The following PRKD3 variants were observed in gnomAD, a reference collection of about 807,000 sequenced individuals.
The protein encoded by PRKD3 is serine/threonine-protein kinase D3.
Under a neutral mutation model 99.2 loss-of-function variants are expected in PRKD3, and 47 were observed. The observed-to-expected ratio is 0.47, with a 90% CI of 0.38 to 0.60. PRKD3 has a LOEUF of 0.60. Among genes scored for constraint, PRKD3 ranks in the 20% least tolerant of loss-of-function variants. The pLI is 0.00. For missense variants in PRKD3, 1,019 were observed against 1,088.4 expected (o/e 0.94, Z 0.90); for synonymous variants, 392 against 355.4 (o/e 1.10, Z -1.16).
chr2:37,290,915 CA>C lies in PRKD3; in HGVS notation c.511del (p.Cys171ValfsTer13). 1 of 1,603,544 alleles carries C rather than the reference CA, an allele frequency of 6.2e-7. No individual in the cohort carries two copies. The highest frequency in any genetic ancestry group is 8.5e-7 in the Non-Finnish European group (1 of 1,170,364). ...SYKAPTFCDY[C>X]GEMLWGLVRQ... Reference sequence around the variant, plus strand: ...TACCAATCCCCAGAGCATCTCACCACAGTAATCACAGAAAGTAGGAGCTTTG... The same window carrying C: ...TACCAATCCCCAGAGCATCTCACCACGTAATCACAGAAAGTAGGAGCTTTG... On this transcript the variant is annotated frameshift_variant, in exon 4 of 19. Transcript: ENST00000234179. LOFTEE classifies it high-confidence loss of function.
At chr2:37,268,844 A>T (rs1178904261) in intron 13 of PRKD3, 1 of 153,848 alleles carries the variant, frequency 6.5e-6, no homozygotes, top group Non-Finnish European at 1.4e-5. Flanking sequence ...ATCCTCTGCT[A>T]AGAAAACTGG....
At chr2:37,285,419 G>A (rs1670043053) in intron 6 of PRKD3, among the ~76,000 whole-genome samples, 1 of 152,168 alleles carries the variant, frequency 6.6e-6, no homozygotes, top group South Asian at 2.1e-4. Flanking sequence ...CCAAATACGG[G>A]TGGGTCCCTA....
At chr2:37,275,877 CA>C in intron 9 of PRKD3, 33 bp from the exon 10 acceptor site, 1 of 1,587,488 alleles carries the variant, frequency 6.3e-7, no homozygotes, top group South Asian at 1.2e-5. Flanking sequence ...CTGTGAGGTT[CA>C]AAAATGATTC....
intron 2 of PRKD3, among the ~76,000 whole-genome samples, chr2:37,301,618 C>A (rs1057094355): frequency 6.6e-6 from 1 of 152,080 alleles, no homozygotes; most frequent in African/African-American, 2.4e-5. Context: ...ATTTGTGACT[C>A]TGCTATGCTC....
At chr2:37,275,996 A>T (rs1184979906) in intron 9 of PRKD3, 152 bp from the exon 10 acceptor site, 3 of 1,152,416 alleles carry the variant, frequency 2.6e-6, no homozygotes, top group Non-Finnish European at 3.5e-6. Context: ...TATAAAAAGG[A>T]TGTATGGTGA....
chr2:37,287,342 C>A (rs1670168629), intron 5 of PRKD3, among the ~76,000 whole-genome samples: 1 of 150,664 alleles, frequency 6.6e-6, no homozygotes, highest in Non-Finnish European at 1.5e-5. Context: ...CTTCTCCAAC[C>A]AGTTGTTTTG....
chr2:37,318,787 T>G (rs1350951365), intron 1 of PRKD3, among the ~76,000 whole-genome samples: 1 of 152,200 alleles, frequency 6.6e-6, no homozygotes, highest in Non-Finnish European at 1.5e-5. Context: ...CAAAGCTGAC[T>G]CCTGCAATCT....
intron 2 of PRKD3, among the ~76,000 whole-genome samples, chr2:37,307,696 A>G (rs1206316115): frequency 6.6e-6 from 1 of 152,220 alleles, no homozygotes; most frequent in Non-Finnish European, 1.5e-5. Context: ...GCTTTGAAAA[A>G]AGGAAGCTAA....
intron 2 of PRKD3, among the ~76,000 whole-genome samples, chr2:37,308,740 C>T (rs900392808): frequency 6.6e-6 from 1 of 152,268 alleles, no homozygotes. Flanking sequence ...CAGACATGGG[C>T]CAACGCGCCC....
At chr2:37,289,660 T>C (rs1488858624) in intron 4 of PRKD3, 147 bp from the exon 5 acceptor site, 1 of 629,336 alleles carries the variant, frequency 1.6e-6, no homozygotes, top group Non-Finnish European at 2.6e-6. Flanking sequence ...GCAGGCTAAG[T>C]GGAAGCTAAT....
chr2:37,279,847 C>T lies in PRKD3; in HGVS notation c.1071G>A (p.Leu357=), dbSNP rs759404310. Residue 357 remains leucine (L), a synonymous_variant, in exon 8 of 19, where the codon TTG becomes TTA. Coordinates refer to ENST00000234179, the MANE Select transcript of PRKD3 (RefSeq NM_005813.6). The stretch of plus-strand genomic sequence containing the variant: ...GGGGTGATGGCTCTTCTGTGTCATC[C>T]AAACCCCGACTACTATCACTATTTA... ...NDINSDSSRG[L]DDTEEPSPPE... 1.1e-5 allele frequency: 18 copies of T among 1,612,982 alleles called. No individual in the cohort carries two copies. The highest frequency in any genetic ancestry group is 1.5e-5 in the Non-Finnish European group (18 of 1,179,162).
chr2:37,256,155 G>C (rs1183193523), intron 17 of PRKD3, among the ~76,000 whole-genome samples: 1 of 152,216 alleles, frequency 6.6e-6, no homozygotes, highest in Non-Finnish European at 1.5e-5. Flanking sequence ...TTGTAGACAA[G>C]GGAAAAACAG....
At position 37,269,622 on chromosome 2, in the gene PRKD3, A is replaced by T. The variant is rs755903105; in HGVS notation, c.1770T>A (p.Val590=). 6.2e-7 allele frequency: 1 copy of T among 1,611,162 alleles called. No individual in the cohort carries two copies. The highest frequency in any genetic ancestry group is 1.1e-5 in the South Asian group (1 of 91,026). ...EVLGSGQFGI[V]YGGKHRKTGR... is the part of the protein sequence containing the mutation. Reference sequence around the variant, plus strand: ...ACGGCTGTAGTTGCTTACCTCCATAAACGATGCCAAACTGGCCTGAACCAA... The same window carrying T: ...ACGGCTGTAGTTGCTTACCTCCATATACGATGCCAAACTGGCCTGAACCAA... Residue 590 remains valine (V), a synonymous_variant, in exon 13 of 19, where the codon GTT becomes GTA. Coordinates refer to ENST00000234179, the MANE Select transcript of PRKD3 (RefSeq NM_005813.6).
At chr2:37,294,928 A>T (rs1670607503) in intron 2 of PRKD3, among the ~76,000 whole-genome samples, 1 of 152,166 alleles carries the variant, frequency 6.6e-6, no homozygotes, top group Admixed American at 6.5e-5. Context: ...TACAAAAATT[A>T]GCCAGGTGTG....
At chr2:37,319,233 A>G (rs1671777485) in intron 1 of PRKD3, among the ~76,000 whole-genome samples, 1 of 152,208 alleles carries the variant, frequency 6.6e-6, no homozygotes, top group Non-Finnish European at 1.5e-5. Flanking sequence ...ATAGTATCCA[A>G]GATGATTGTC....
chr2:37,296,606 G>T (rs116286457), intron 2 of PRKD3, among the ~76,000 whole-genome samples: 2 of 151,902 alleles, frequency 1.3e-5, no homozygotes, highest in Admixed American at 6.6e-5. Context: ...TAGAAATTAC[G>T]TAAGAGTCAG....
At position 37,283,502 on chromosome 2, in the gene PRKD3, A is replaced by G. The variant is rs557806083; in HGVS notation, c.911-883T>C. 2.6e-5 allele frequency among the ~76,000 whole-genome samples: 4 copies of G among 152,356 alleles called. 1 individual carries two copies. The highest frequency in any genetic ancestry group is 7.2e-5 in the African/African-American group (3 of 41,576). ...AGCACAGGCTAAAGATCATTATATG[A>G]CATAAGCCCCATGAAATGTATAATT... On this transcript the variant is annotated intron_variant, in intron 6 of 18. Transcript: ENST00000234179.
Position 37,316,609 on chromosome 2 carries a change from A to C in PRKD3, c.-85T>G. On this transcript the variant is annotated 5_prime_UTR_variant, in exon 2 of 19. The change creates a new upstream start codon in the 5' untranslated region. Transcript: ENST00000234179. ...TTTTTAAAATAACAGCAGTAAAGAA[A>C]ATGACCGCACTTTTGGATTTAGTTG... 1 of 1,518,502 alleles carries C rather than the reference A, an allele frequency of 6.6e-7. No homozygotes were observed. Among genetic ancestry groups the C allele is most frequent in the Non-Finnish European group, 8.8e-7 (1 of 1,138,658 alleles). The allele number at this position is 1,518,502 out of a possible 1,614,324, so 94.1% of individuals were successfully genotyped here. A position where few individuals can be genotyped will look rare whatever the true frequency, so the allele number is the denominator to read the frequency against.
rs1669660969 is a variant in PRKD3, at chr2:37,278,070, A to G, written c.1173-81T>C. The G allele has an allele frequency of 4.8e-6, 6 of 1,250,306 alleles. No homozygotes were observed. In the South Asian group the frequency reaches 9.3e-5, roughly 19 times the overall value. 77.5% of individuals were successfully genotyped at this position (1,250,306 alleles called of 1,614,324 possible). A position where few individuals can be genotyped will look rare whatever the true frequency, so the allele number is the denominator to read the frequency against. ...TACTGTAGGAACATGAAGCCTTTTT[A>G]AAGACAACTGAGCTAAAATTTTTCA... On this transcript the variant is annotated intron_variant, in intron 8 of 18. Coordinates refer to ENST00000234179, the MANE Select transcript of PRKD3 (RefSeq NM_005813.6).
Sources: allele counts gnomAD v4.1 joint callset (sites outside exome capture counted in the v4.1 genomes callset), GRCh38; gene constraint gnomAD v4.1.1; transcripts MANE v1.5; gene names NCBI Gene and HGNC (gene_info 2026-07-23, HGNC 2026-07-21).